Variants in LDLRAD4 observed in about 807,000 individuals in gnomAD.
LDLRAD4 encodes low-density lipoprotein receptor class A domain-containing protein 4.
In LDLRAD4, 5 loss-of-function variants were observed where a neutral mutation model predicts 17.0. The ratio of observed to expected loss-of-function variants is 0.29; its 90% confidence interval spans 0.15 to 0.62. The LOEUF (loss-of-function observed/expected upper bound fraction) is 0.62, where lower values mean the gene tolerates loss of function less well. Ranked by LOEUF, LDLRAD4 falls within the 20% of genes least tolerant of loss-of-function variation. LDLRAD4 has a pLI of 0.84. For synonymous variants in LDLRAD4, 168 were observed against 171.8 expected (o/e 0.98, Z 0.17); for missense variants, 340 against 424.7 (o/e 0.80, Z 1.75).
chr18:13,563,718 T>C (rs529022618), intron 3 of LDLRAD4, among the ~76,000 whole-genome samples: 1 of 152,148 alleles, frequency 6.6e-6, no homozygotes, highest in African/African-American at 2.4e-5. Flanking sequence ...AATAAACACT[T>C]AAGTGCCTGG....
At chr18:13,277,832 G>A (rs1326540987), upstream of LDLRAD4, among the ~76,000 whole-genome samples, 2 of 152,224 alleles carry the variant, frequency 1.3e-5, no homozygotes, top group Non-Finnish European at 2.9e-5. Flanking sequence ...GCAGGAACAA[G>A]CGTGTGTCCT....
intron 1 of LDLRAD4, among the ~76,000 whole-genome samples, chr18:13,259,447 A>T (rs1448902030): frequency 1.3e-5 from 2 of 152,168 alleles, no homozygotes; most frequent in East Asian, 3.9e-4. Context: ...AAGTGCTGGG[A>T]TTATAGGCGT....
chr18:13,392,215 G>A (rs144085526), intron 2 of LDLRAD4, among the ~76,000 whole-genome samples: 2 of 152,336 alleles, frequency 1.3e-5, no homozygotes, highest in Non-Finnish European at 2.9e-5. Flanking sequence ...TGTCCTCCAC[G>A]GTTCAGCTGT....
At chr18:13,541,085 GC>G (rs993430967) in intron 3 of LDLRAD4, among the ~76,000 whole-genome samples, 1 of 152,150 alleles carries the variant, frequency 6.6e-6, no homozygotes, top group African/African-American at 2.4e-5. Flanking sequence ...ACCCTCAGAG[GC>G]CCACACACAC....
chr18:13,559,437 T>C (rs1320236208), intron 3 of LDLRAD4, among the ~76,000 whole-genome samples: 1 of 95,020 alleles, frequency 1.1e-5, no homozygotes, highest in Non-Finnish European at 2.4e-5. Flanking sequence ...AGGCCCAATA[T>C]GCTAAAAAAA....
chr18:13,245,652 A>C (rs1247259927), intron 1 of LDLRAD4, among the ~76,000 whole-genome samples: 1 of 152,182 alleles, frequency 6.6e-6, no homozygotes, highest in African/African-American at 2.4e-5. Flanking sequence ...GGGTTTCTCC[A>C]GTGGAGGGAA....
chr18:13,279,883 AC>A (rs1241435043), intron 1 of LDLRAD4: 1 of 152,258 alleles, frequency 6.6e-6, no homozygotes, highest in Non-Finnish European at 1.5e-5. Flanking sequence ...ATAGGTTCTT[AC>A]AGCTGACTGT....
intron 1 of LDLRAD4, among the ~76,000 whole-genome samples, chr18:13,232,380 T>C (rs2042121944): frequency 6.6e-6 from 1 of 152,242 alleles, no homozygotes; most frequent in South Asian, 2.1e-4. Flanking sequence ...TGGTTTGAGC[T>C]TCTGTCCTGG....
chr18:13,312,198 G>A (rs1335633032), intron 1 of LDLRAD4, among the ~76,000 whole-genome samples: 1 of 152,140 alleles, frequency 6.6e-6, no homozygotes, highest in Non-Finnish European at 1.5e-5. Context: ...ATGGTGCCGG[G>A]TGGCAGTTTA....
At chr18:13,371,764 CAA>C (rs1158641379) in intron 1 of LDLRAD4, among the ~76,000 whole-genome samples, 1 of 151,622 alleles carries the variant, frequency 6.6e-6, no homozygotes, top group Admixed American at 6.6e-5. Flanking sequence ...GACTCTGTCT[CAA>C]AAGAGAGAGA....
intron 1 of LDLRAD4, among the ~76,000 whole-genome samples, chr18:13,260,888 A>G (rs1223462699): frequency 6.6e-6 from 1 of 152,214 alleles, no homozygotes; most frequent in African/African-American, 2.4e-5. Context: ...ATGCAGTTGA[A>G]TGTGCCTCCC....
exon 6 of LDLRAD4, chr18:13,647,076 C>G (rs1438895591): frequency 6.6e-6 from 1 of 152,194 alleles, no homozygotes; most frequent in African/African-American, 2.4e-5. Flanking sequence ...AGGATTCTAC[C>G]AAACCCTTCC....
intron 2 of LDLRAD4, among the ~76,000 whole-genome samples, chr18:13,437,078 A>G (rs970869171): frequency 3.3e-5 from 5 of 152,242 alleles, no homozygotes; most frequent in Admixed American, 1.3e-4. Flanking sequence ...ACACATGGTT[A>G]GCATCGCTGG....
intron 3 of LDLRAD4, among the ~76,000 whole-genome samples, chr18:13,467,306 GAAC>G (rs989923920): frequency 1.3e-5 from 2 of 152,158 alleles, no homozygotes; most frequent in African/African-American, 4.8e-5. Context: ...GAATTGCTGG[GAAC>G]AACATCAACA....
chr18:13,565,738 T>C (rs1314464216), intron 3 of LDLRAD4, among the ~76,000 whole-genome samples: 1 of 152,212 alleles, frequency 6.6e-6, no homozygotes, highest in Non-Finnish European at 1.5e-5. Context: ...GTGGCAGAGC[T>C]CTGTACCTGC....
At chr18:13,342,477 CTTTTTT>C (rs10706515) in intron 1 of LDLRAD4, among the ~76,000 whole-genome samples, 30 of 38,710 alleles carry the variant, frequency 7.7e-4, no homozygotes, top group Middle Eastern at 0.029. Context: ...GCCTTCCTGT[CTTTTTT>C]TTTTTTTTTT....
chr18:13,362,162 A>G (rs978478499), intron 1 of LDLRAD4: 29 of 152,168 alleles, frequency 1.9e-4, no homozygotes, highest in African/African-American at 6.8e-4. Context: ...CCTTTGTCTC[A>G]TACACTGACT....
intron 3 of LDLRAD4, among the ~76,000 whole-genome samples, chr18:13,569,436 G>A (rs1215630417): frequency 6.6e-6 from 1 of 152,180 alleles, no homozygotes; most frequent in Non-Finnish European, 1.5e-5. Context: ...TCATAAGTCG[G>A]ATGTTGCTTA....
chr18:13,476,198 C>T (rs903651311), intron 3 of LDLRAD4, among the ~76,000 whole-genome samples: 17 of 152,186 alleles, frequency 1.1e-4, no homozygotes, highest in African/African-American at 3.9e-4. Context: ...GGCAAAGTCA[C>T]GTTCAGGGGT....
Sources: allele counts gnomAD v4.1 joint callset (sites outside exome capture counted in the v4.1 genomes callset), GRCh38; gene constraint gnomAD v4.1.1; transcripts MANE v1.5; gene names NCBI Gene and HGNC (gene_info 2026-07-23, HGNC 2026-07-21).